Variants in NRXN1 observed in about 807,000 individuals in gnomAD.
The protein encoded by NRXN1 is neurexin-1.
Under a neutral mutation model 150.9 loss-of-function variants are expected in NRXN1, and 39 were observed. The ratio of observed to expected loss-of-function variants is 0.26; its 90% CI spans 0.20 to 0.34. NRXN1 has a LOEUF of 0.34. NRXN1 is among the 10% of genes least tolerant of loss of function. NRXN1 has a pLI of 1.00. For missense variants in NRXN1, 1,815 were observed against 1,949.9 expected (o/e 0.93, Z 1.30); for synonymous variants, 924 against 757.0 (o/e 1.22, Z -3.62).
intron 15 of NRXN1, among the ~76,000 whole-genome samples, chr2:50,489,030 A>G (rs1017603553): frequency 2.0e-5 from 3 of 152,200 alleles, no homozygotes; most frequent in Admixed American, 1.3e-4. Context: ...ACCACCTTGA[A>G]GAGCTCAAGC....
intron 2 of NRXN1, among the ~76,000 whole-genome samples, chr2:50,936,225 C>G (rs991612707): frequency 4.6e-5 from 7 of 152,126 alleles, no homozygotes; most frequent in Non-Finnish European, 8.8e-5. Context: ...CTGAGCTAAC[C>G]GGCCGACTGG....
At chr2:50,561,076 A>G (rs1194546916) in intron 8 of NRXN1, among the ~76,000 whole-genome samples, 1 of 152,182 alleles carries the variant, frequency 6.6e-6, no homozygotes, top group Non-Finnish European at 1.5e-5. Flanking sequence ...AATATATCCC[A>G]TTAATCAGGG....
intron 21 of NRXN1, among the ~76,000 whole-genome samples, chr2:49,979,649 A>G (rs148777960): frequency 6.0e-4 from 92 of 152,328 alleles, no homozygotes; most frequent in African/African-American, 2.0e-3. Context: ...GAACTATAGC[A>G]TAGGGAAATA....
chr2:49,986,643 G>C (rs887220869), intron 21 of NRXN1, among the ~76,000 whole-genome samples: 6 of 152,180 alleles, frequency 3.9e-5, no homozygotes, highest in African/African-American at 1.4e-4. Flanking sequence ...GAGATACAGA[G>C]TGATATTTTG....
chr2:50,811,183 T>A (rs780568002), intron 5 of NRXN1, among the ~76,000 whole-genome samples: 9 of 152,188 alleles, frequency 5.9e-5, no homozygotes, highest in Non-Finnish European at 1.3e-4. Flanking sequence ...ATCCTTTCTC[T>A]CAATGACCGG....
chr2:50,062,972 T>C (rs1195695299), intron 19 of NRXN1, among the ~76,000 whole-genome samples: 2 of 152,178 alleles, frequency 1.3e-5, no homozygotes, highest in African/African-American at 2.4e-5. Flanking sequence ...GTTTTTAACA[T>C]TGGGAAAAGA....
chr2:50,364,860 C>T (rs2079477572), intron 17 of NRXN1, among the ~76,000 whole-genome samples: 1 of 151,866 alleles, frequency 6.6e-6, no homozygotes, highest in South Asian at 2.1e-4. Context: ...GTTATTTTTT[C>T]CAAGTAATAC....
intron 2 of NRXN1, among the ~76,000 whole-genome samples, chr2:50,946,127 G>A (rs934985670): frequency 6.6e-6 from 1 of 151,870 alleles, no homozygotes; most frequent in Non-Finnish European, 1.5e-5. Context: ...GGGCTGCCAT[G>A]TTAAGGAAGC....
chr2:51,026,240 TCACCCA>T, intron 2 of NRXN1: 1 of 662,150 alleles, frequency 1.5e-6, no homozygotes. Flanking sequence ...TCACCTTTTT[TCACCCA>T]TTTCAGCCAC....
chr2:50,183,277 T>A (rs2060853241), intron 18 of NRXN1, among the ~76,000 whole-genome samples: 1 of 152,056 alleles, frequency 6.6e-6, no homozygotes, highest in Non-Finnish European at 1.5e-5. Context: ...CATCTGAGGT[T>A]TGAAAGTTAA....
intron 5 of NRXN1, among the ~76,000 whole-genome samples, chr2:50,651,492 GACATGACATGACATGACATA>G (rs1685616447): frequency 1.3e-5 from 2 of 148,856 alleles, no homozygotes; most frequent in South Asian, 4.2e-4. Flanking sequence ...GACATGACAT[GACATGACATGACATGACATA>G]ACATGACATA....
intron 2 of NRXN1, among the ~76,000 whole-genome samples, chr2:51,008,348 C>T (rs1055935451): frequency 6.6e-6 from 1 of 151,752 alleles, no homozygotes; most frequent in Non-Finnish European, 1.5e-5. Context: ...CTGTGAGTGG[C>T]GATGGTGAAG....
chr2:50,946,195 C>T (rs931365437), intron 2 of NRXN1, among the ~76,000 whole-genome samples: 1 of 151,936 alleles, frequency 6.6e-6, no homozygotes, highest in Non-Finnish European at 1.5e-5. Flanking sequence ...TCAAGAAGTC[C>T]TTCACCAGTA....
chr2:50,542,432 C>T (rs1017433843), intron 9 of NRXN1, among the ~76,000 whole-genome samples: 1 of 152,146 alleles, frequency 6.6e-6, no homozygotes, highest in Non-Finnish European at 1.5e-5. Context: ...TAAGGAGACA[C>T]ATCAGGCAAA....
chr2:49,962,190 T>C (rs1168479756), intron 21 of NRXN1, among the ~76,000 whole-genome samples: 1 of 152,244 alleles, frequency 6.6e-6, no homozygotes, highest in Non-Finnish European at 1.5e-5. Context: ...AGTTTCTTCA[T>C]AGATACCAAT....
intron 5 of NRXN1, chr2:50,917,643 A>G (rs895991733): frequency 2.0e-5 from 3 of 151,602 alleles, no homozygotes; most frequent in Non-Finnish European, 4.4e-5. Flanking sequence ...CACTCCAGAG[A>G]GCTCTCTTTC....
At chr2:50,458,996 A>G (rs2087884589) in intron 17 of NRXN1, among the ~76,000 whole-genome samples, 1 of 152,138 alleles carries the variant, frequency 6.6e-6, no homozygotes, top group Admixed American at 6.6e-5. Flanking sequence ...CATATAATAC[A>G]TATTAATTAT....
chr2:50,862,348 TAC>T (rs1216840152), intron 5 of NRXN1, among the ~76,000 whole-genome samples: 4 of 152,056 alleles, frequency 2.6e-5, no homozygotes, highest in Non-Finnish European at 5.9e-5. Flanking sequence ...AATACACATA[TAC>T]ACACACAAAA....
intron 17 of NRXN1, among the ~76,000 whole-genome samples, chr2:50,404,733 A>C (rs1291047471): frequency 6.6e-6 from 1 of 152,138 alleles, no homozygotes; most frequent in African/African-American, 2.4e-5. Flanking sequence ...ATATGTTTCC[A>C]ATCACTAAAG....
Sources: gnomAD v4.1 joint callset for allele counts (sites outside exome capture counted in the v4.1 genomes callset) on GRCh38, gnomAD v4.1.1 for gene constraint, MANE v1.5 for transcripts, NCBI Gene and HGNC (gene_info 2026-07-23, HGNC 2026-07-21) for gene names.